The following SYT1 variants were observed in gnomAD, a reference collection of about 807,000 sequenced individuals.
SYT1 encodes synaptotagmin-1.
SYT1 carries 8 observed loss-of-function variants against 44.8 expected under a neutral mutation model. The observed-to-expected ratio is 0.18, with a 90% CI of 0.10 to 0.32. SYT1 has a LOEUF of 0.32. Among genes scored for constraint, SYT1 ranks in the 10% least tolerant of loss-of-function variants. The pLI, the probability that SYT1 is intolerant of heterozygous loss-of-function variation, is 1.00. For missense variants in SYT1, 286 were observed against 509.3 expected, an observed-to-expected ratio of 0.56 and a Z score of 4.22; for synonymous variants, 154 against 188.8, an observed-to-expected ratio of 0.82 and a Z score of 1.51.
At chr12:78,939,831 T>C (rs1878255755) in intron 1 of SYT1, among the ~76,000 whole-genome samples, 1 of 152,218 alleles carries the variant, frequency 6.6e-6, no homozygotes, top group Admixed American at 6.5e-5. Flanking sequence ...ATAATATTCA[T>C]CTTTCACACT....
intron 2 of SYT1, among the ~76,000 whole-genome samples, chr12:79,010,593 G>T (rs887021463): frequency 2.0e-5 from 3 of 152,052 alleles, no homozygotes; most frequent in African/African-American, 2.4e-5. Context: ...ATTAAACCTG[G>T]ATTCCTGATT....
chr12:79,284,373 C>T (rs754807078), intron 4 of SYT1, among the ~76,000 whole-genome samples: 79 of 152,232 alleles, frequency 5.2e-4, no homozygotes, highest in Admixed American at 1.6e-3. Flanking sequence ...CTAAGCCTCT[C>T]CTCTTATCTA....
intron 3 of SYT1, among the ~76,000 whole-genome samples, chr12:79,128,691 T>C (rs1255707485): frequency 6.6e-6 from 1 of 152,246 alleles, no homozygotes; most frequent in Non-Finnish European, 1.5e-5. Flanking sequence ...ACTGAGTTGA[T>C]GGGTGCAACA....
At chr12:79,420,031 T>C (rs1869007219) in intron 9 of SYT1, among the ~76,000 whole-genome samples, 1 of 152,206 alleles carries the variant, frequency 6.6e-6, no homozygotes, top group Non-Finnish European at 1.5e-5. Context: ...TTTTTATTGC[T>C]GTATAACATG....
At chr12:79,183,624 C>T (rs143494224) in intron 3 of SYT1, among the ~76,000 whole-genome samples, 13 of 152,154 alleles carry the variant, frequency 8.5e-5, no homozygotes, top group African/African-American at 3.1e-4. Flanking sequence ...GAAGAACATA[C>T]ACCATGCTGT....
chr12:79,365,854 G>C (rs1247212129), intron 9 of SYT1, among the ~76,000 whole-genome samples: 1 of 79,512 alleles, frequency 1.3e-5, no homozygotes, highest in Non-Finnish European at 2.1e-5. Flanking sequence ...AAAAAAAGCA[G>C]GTCATTAGCT....
chr12:79,058,926 T>G (rs1243760453), intron 3 of SYT1, among the ~76,000 whole-genome samples: 1 of 152,026 alleles, frequency 6.6e-6, no homozygotes, highest in Admixed American at 6.6e-5. Flanking sequence ...AAGCTTGTGA[T>G]AGAAGATTTG....
At chr12:79,207,878 C>G (rs147170572) in intron 3 of SYT1, among the ~76,000 whole-genome samples, 17 of 152,178 alleles carry the variant, frequency 1.1e-4, no homozygotes, top group Non-Finnish European at 1.5e-4. Flanking sequence ...GAGAATCTAG[C>G]AAACTACATA....
chr12:79,240,146 TGA>T (rs1383535086), intron 4 of SYT1, among the ~76,000 whole-genome samples: 1 of 152,178 alleles, frequency 6.6e-6, no homozygotes, highest in African/African-American at 2.4e-5. Context: ...GGTAGAGTCT[TGA>T]AAACCATCTT....
intron 9 of SYT1, among the ~76,000 whole-genome samples, chr12:79,385,857 A>G (rs2035419659): frequency 6.6e-6 from 1 of 152,232 alleles, no homozygotes; most frequent in Non-Finnish European, 1.5e-5. Flanking sequence ...ACCAAGATTC[A>G]TAACTCCCCT....
At chr12:79,179,478 G>GATAT (rs1565842326) in intron 3 of SYT1, among the ~76,000 whole-genome samples, 25 of 17,976 alleles carry the variant, frequency 1.4e-3, no homozygotes, top group Middle Eastern at 0.019. Flanking sequence ...TATAGATATA[G>GATAT]AGATATAGAT....
chr12:79,048,178 G>C (rs1054747909), intron 3 of SYT1, among the ~76,000 whole-genome samples: 2 of 151,706 alleles, frequency 1.3e-5, no homozygotes, highest in African/African-American at 4.8e-5. Flanking sequence ...ACAAATATTA[G>C]AGTAAAACAT....
chr12:79,403,458 C>T (rs1885139380), intron 9 of SYT1, among the ~76,000 whole-genome samples: 3 of 152,156 alleles, frequency 2.0e-5, no homozygotes, highest in Admixed American at 2.0e-4. Context: ...TCTTTTTTCT[C>T]TTAAGGCTTC....
chr12:78,873,301 CT>C (rs1289903813), intron 1 of SYT1, among the ~76,000 whole-genome samples: 1 of 151,580 alleles, frequency 6.6e-6, no homozygotes, highest in Non-Finnish European at 1.5e-5. Flanking sequence ...AACTAGTTTG[CT>C]TTTGCTTATC....
chr12:78,894,520 G>T (rs1322866414), intron 1 of SYT1, among the ~76,000 whole-genome samples: 1 of 150,808 alleles, frequency 6.6e-6, no homozygotes, highest in Non-Finnish European at 1.5e-5. Context: ...CTTACATTTT[G>T]ATACGCATCA....
intron 4 of SYT1, among the ~76,000 whole-genome samples, chr12:79,256,075 G>T (rs1376487906): frequency 2.0e-5 from 3 of 152,142 alleles, no homozygotes; most frequent in Non-Finnish European, 4.4e-5. Flanking sequence ...AGAGATAAGG[G>T]CTCTGCAACC....
intron 3 of SYT1, among the ~76,000 whole-genome samples, chr12:79,137,597 C>T (rs1396161886): frequency 6.6e-6 from 1 of 151,948 alleles, no homozygotes; most frequent in Admixed American, 6.6e-5. Context: ...AATTTTTTAC[C>T]CTATCAACTT....
intron 3 of SYT1, among the ~76,000 whole-genome samples, chr12:79,192,393 T>G (rs146940561): frequency 1.3e-3 from 193 of 152,254 alleles, no homozygotes; most frequent in African/African-American, 4.5e-3. Context: ...AAAGGAGACC[T>G]TTTGTCTTCA....
intron 3 of SYT1, among the ~76,000 whole-genome samples, chr12:79,154,354 G>A (rs1383883345): frequency 6.6e-6 from 1 of 151,388 alleles, no homozygotes; most frequent in Non-Finnish European, 1.5e-5. Context: ...ATTATGGGTA[G>A]GAATTTATTT....
Sources: allele counts gnomAD v4.1 joint callset (sites outside exome capture counted in the v4.1 genomes callset), GRCh38; gene constraint gnomAD v4.1.1; transcripts MANE v1.5; gene names NCBI Gene and HGNC (gene_info 2026-07-23, HGNC 2026-07-21).